RRP15: variants seen among roughly 807,000 people sequenced by gnomAD.
RRP15 encodes the protein ribosomal RNA processing 15 homolog.
RRP15 carries 18 observed loss-of-function variants against 27.1 expected under a neutral mutation model. The ratio of observed to expected loss-of-function variants is 0.66; its 90% CI spans 0.46 to 0.98. The LOEUF is 0.98. RRP15 is among the 50% of genes least tolerant of loss of function. The pLI is 0.00. For synonymous variants in RRP15, 107 were observed against 109.4 expected (o/e 0.98, Z 0.14); for missense variants, 359 against 337.8 (o/e 1.06, Z -0.49).
chr1:218,285,564 G>A, intron 1 of RRP15, 109 bp downstream of exon 1: 1 of 1,463,364 alleles, frequency 6.8e-7, no homozygotes. Flanking sequence ...GTTTTATCTT[G>A]GCACCACTTC....
At chr1:218,311,049 G>A (rs371545702) in intron 4 of RRP15, among the ~76,000 whole-genome samples, 3 of 151,886 alleles carry the variant, frequency 2.0e-5, no homozygotes, top group African/African-American at 4.8e-5. Flanking sequence ...ATGCCCAGCC[G>A]AACAAGTCAT....
At chr1:218,323,957 T>G (rs1656230270) in intron 4 of RRP15, among the ~76,000 whole-genome samples, 1 of 152,180 alleles carries the variant, frequency 6.6e-6, no homozygotes, top group Non-Finnish European at 1.5e-5. Flanking sequence ...CCCCCTCCAC[T>G]CCAGAGTGCA....
chr1:218,307,095 G>A (rs79690442), intron 3 of RRP15, among the ~76,000 whole-genome samples: 5,031 of 152,236 alleles, frequency 0.033, 267 homozygotes, highest in African/African-American at 0.11. Flanking sequence ...TGCAGATAAC[G>A]TAGCTAAATA....
intron 4 of RRP15, among the ~76,000 whole-genome samples, chr1:218,320,651 T>TAAACG (rs1558210739): frequency 9.2e-5 from 14 of 152,128 alleles, no homozygotes; most frequent in African/African-American, 3.4e-4. Context: ...TATGTCCACA[T>TAAACG]TTTGCCATAA....
At chr1:218,290,140 TAGAC>T (rs372122995) in intron 1 of RRP15, among the ~76,000 whole-genome samples, 196 of 152,270 alleles carry the variant, frequency 1.3e-3, no homozygotes, top group African/African-American at 4.3e-3. Context: ...CAATCTGTAA[TAGAC>T]AGGTGTTTTT....
Position 218,336,148 on chromosome 1 carries a change from AGT to A in RRP15, c.*5060_*5061del, listed in dbSNP as rs1251105333. The A allele has an allele frequency of 6.6e-6, 1 of 152,098 alleles. No individual in the cohort carries two copies. The highest frequency in any genetic ancestry group is 2.4e-5 in the African/African-American group (1 of 41,410). 9.4% of individuals were successfully genotyped at this position (152,098 alleles called of 1,614,324 possible). A position where few individuals can be genotyped will look rare whatever the true frequency, so the allele number is the denominator to read the frequency against. On this transcript the variant is annotated 3_prime_UTR_variant, in exon 5 of 5. Transcript: ENST00000366932. ...ACTTATTTAGGAGGTTTCCTAAGTA[AGT>A]GTATTTAGTTGTAGGACCTTAGAGT...
intron 4 of RRP15, among the ~76,000 whole-genome samples, chr1:218,321,045 G>A (rs914399443): frequency 1.3e-5 from 2 of 152,136 alleles, no homozygotes; most frequent in African/African-American, 4.8e-5. Flanking sequence ...ATGAAATGAA[G>A]TTAACCATCT....
chr1:218,324,564 C>T (rs942354585), intron 4 of RRP15, among the ~76,000 whole-genome samples: 26 of 152,238 alleles, frequency 1.7e-4, no homozygotes, highest in African/African-American at 6.3e-4. Flanking sequence ...GCAGCCACTC[C>T]GGATGGTCGG....
In RRP15 at chr1:218,311,817, G is replaced by C. The variant is rs750015018; in HGVS notation, c.705+4185G>C. 6.6e-5 allele frequency among the ~76,000 whole-genome samples: 10 copies of C among 152,310 alleles called. No individual in the cohort carries two copies. In the Middle Eastern group the frequency reaches 0.017, roughly 259 times the overall value. ...TATTGATATGTTGGCCCGATAGATG[G>C]CTTCCAATATTTGGAAAAGGGTTTT... On this transcript the variant is annotated intron_variant, in intron 4 of 4. Coordinates refer to ENST00000366932, the MANE Select transcript of RRP15 (RefSeq NM_016052.4).
intron 1 of RRP15, among the ~76,000 whole-genome samples, chr1:218,300,545 CAA>C (rs770599084): frequency 3.9e-5 from 6 of 152,202 alleles, no homozygotes; most frequent in Non-Finnish European, 7.4e-5. Context: ...GGCTTAAAGT[CAA>C]GAGAGTAGAG....
rs1367735787 is a variant in RRP15, at chr1:218,334,384, A to T, written c.*3293A>T. Reference sequence around the variant, plus strand: ...AAGGCAATCCAATTTCTTTAAAATAAAATATTTTTTGCCTTTTAAAACAGA... The same window carrying T: ...AAGGCAATCCAATTTCTTTAAAATATAATATTTTTTGCCTTTTAAAACAGA... On this transcript the variant is annotated 3_prime_UTR_variant, in exon 5 of 5. Coordinates refer to ENST00000366932, the MANE Select transcript of RRP15 (RefSeq NM_016052.4). 2 of 152,176 alleles carry T rather than the reference A, an allele frequency of 1.3e-5. No individual in the cohort carries two copies. Among genetic ancestry groups the T allele is most frequent in the African/African-American group, 4.8e-5 (2 of 41,454 alleles). The allele number at this position is 152,176 out of a possible 1,614,324, so 9.4% of individuals were successfully genotyped here.
intron 4 of RRP15, among the ~76,000 whole-genome samples, chr1:218,314,990 C>CA (rs76826029): frequency 0.11 from 6,618 of 61,188 alleles, 498 homozygotes; most frequent in African/African-American, 0.27. Flanking sequence ...GGCTCCATCT[C>CA]AAAAAAAAAA....
At chr1:218,317,686 T>G (rs1319898144) in intron 4 of RRP15, among the ~76,000 whole-genome samples, 1 of 151,788 alleles carries the variant, frequency 6.6e-6, no homozygotes, top group Non-Finnish European at 1.5e-5. Flanking sequence ...TGATTGTGTG[T>G]CGAATACAGA....
intron 4 of RRP15, among the ~76,000 whole-genome samples, chr1:218,318,216 G>A (rs116635555): frequency 0.028 from 4,213 of 151,812 alleles, 81 homozygotes; most frequent in Non-Finnish European, 0.039. Flanking sequence ...TTACCCCCAT[G>A]TGCCCCGAAG....
intron 4 of RRP15, among the ~76,000 whole-genome samples, chr1:218,320,177 G>T (rs142668213): frequency 6.6e-6 from 1 of 151,308 alleles, no homozygotes; most frequent in Non-Finnish European, 1.5e-5. Context: ...ATCATTTAGC[G>T]TTAGATATAT....
At chr1:218,320,610 G>A (rs557442900) in intron 4 of RRP15, among the ~76,000 whole-genome samples, 8 of 152,186 alleles carry the variant, frequency 5.3e-5, no homozygotes, top group South Asian at 2.1e-4. Context: ...AAATAGAACC[G>A]CTTTGAACAA....
intron 1 of RRP15, among the ~76,000 whole-genome samples, chr1:218,286,428 G>A (rs929477985): frequency 1.3e-5 from 2 of 152,092 alleles, no homozygotes; most frequent in Admixed American, 6.5e-5. Flanking sequence ...CAAATGCTTG[G>A]CATGTCTCTC....
chr1:218,300,394 A>T (rs568739948), intron 1 of RRP15, among the ~76,000 whole-genome samples: 1 of 152,150 alleles, frequency 6.6e-6, no homozygotes, highest in African/African-American at 2.4e-5. Flanking sequence ...TTTGTTATTA[A>T]TTTTTACTTG....
chr1:218,307,465 C>T lies in RRP15; in HGVS notation c.538C>T (p.His180Tyr), dbSNP rs775134731. 2.5e-6 allele frequency: 4 copies of T among 1,613,836 alleles called. No individual in the cohort carries two copies. The South Asian group carries it at 3.3e-5, about 13-fold the overall frequency. ...GCAATTATTTAATGCTGTTCAGAAA[C>T]ATCAAAAGAATGTTGATGAAAAGGT... is the stretch of plus-strand genomic sequence containing the variant. ...VVQLFNAVQK[H>Y]QKNVDEKVKE... Residue 180 changes from histidine to tyrosine, a missense_variant, in exon 4 of 5, where the codon CAT (histidine) becomes TAT (tyrosine). By Grantham distance (83) the His-to-Tyr change is moderately conservative. Coordinates refer to ENST00000366932, the MANE Select transcript of RRP15 (RefSeq NM_016052.4).
Sources: gnomAD v4.1 joint callset for allele counts (sites outside exome capture counted in the v4.1 genomes callset) on GRCh38, gnomAD v4.1.1 for gene constraint, MANE v1.5 for transcripts, NCBI Gene and HGNC (gene_info 2026-07-23, HGNC 2026-07-21) for gene names.